Variants in ELP4 observed in about 807,000 individuals in gnomAD.
ELP4 encodes the protein elongator complex protein 4.
Under a neutral mutation model 48.9 loss-of-function variants are expected in ELP4, and 51 were observed. The ratio of observed to expected loss-of-function variants is 1.04; its 90% CI spans 0.83 to 1.32. The LOEUF (loss-of-function observed/expected upper bound fraction) is 1.32. Ranked by LOEUF, ELP4 falls within the 40% of genes most tolerant of loss-of-function variation. ELP4 has a pLI of 0.00. For missense variants in ELP4, 519 were observed against 514.6 expected (o/e 1.01, Z -0.08); for synonymous variants, 210 against 189.2 (o/e 1.11, Z -0.90).
intron 3 of ELP4, among the ~76,000 whole-genome samples, chr11:31,572,944 G>A (rs1252211330): frequency 1.3e-5 from 2 of 152,166 alleles, no homozygotes; most frequent in African/African-American, 4.8e-5. Context: ...GTTCAAGAAG[G>A]CTGCAGTGAG....
At chr11:31,565,359 C>T (rs992240898) in intron 3 of ELP4, among the ~76,000 whole-genome samples, 1 of 151,238 alleles carries the variant, frequency 6.6e-6, no homozygotes, top group African/African-American at 2.4e-5. Context: ...TTTTGCTGTG[C>T]AGAAGCTCTT....
At chr11:31,749,072 T>G (rs1947661240) in intron 9 of ELP4, among the ~76,000 whole-genome samples, 1 of 152,140 alleles carries the variant, frequency 6.6e-6, no homozygotes, top group Non-Finnish European at 1.5e-5. Flanking sequence ...GAATCTGGCC[T>G]GAGAGAAGAA....
At chr11:31,662,423 CCCATGGG>C (rs1390897700) in intron 9 of ELP4, 5 of 393,910 alleles carry the variant, frequency 1.3e-5, no homozygotes, top group Admixed American at 4.4e-5. Context: ...CAAACTATGG[CCCATGGG>C]CCAAATCCAG....
chr11:31,624,461 A>G (rs137909686), intron 5 of ELP4, among the ~76,000 whole-genome samples: 14 of 151,834 alleles, frequency 9.2e-5, no homozygotes, highest in Non-Finnish European at 1.8e-4. Flanking sequence ...GTACACCTGT[A>G]TAAGACACTT....
In ELP4 at chr11:31,699,191, G is replaced by A. The variant is rs577300365; in HGVS notation, c.1143+48970G>A. Among the ~76,000 whole-genome samples, 33 of 152,214 alleles carry A rather than the reference G, an allele frequency of 2.2e-4. 1 individual carries two copies. The South Asian group carries it at 6.2e-3, about 29-fold the overall frequency. On this transcript the variant is annotated intron_variant, in intron 9 of 9. Transcript: ENST00000640961. ...CTCTTCCTCCACAAAAAATAAAAAA[G>A]AAGTGAAGAGGAGGGAAGCCTCTTG...
intron 9 of ELP4, among the ~76,000 whole-genome samples, chr11:31,706,224 A>G (rs907765309): frequency 6.6e-6 from 1 of 152,094 alleles, no homozygotes; most frequent in African/African-American, 2.4e-5. Flanking sequence ...TAGCATGCCT[A>G]TCATCTCAAA....
At chr11:31,556,597 C>G (rs1305030299) in intron 3 of ELP4, among the ~76,000 whole-genome samples, 1 of 151,724 alleles carries the variant, frequency 6.6e-6, no homozygotes, top group Non-Finnish European at 1.5e-5. Context: ...AATTTAAATG[C>G]TGTTTCATAA....
At chr11:31,760,800 C>A (rs188959603) in intron 9 of ELP4, among the ~76,000 whole-genome samples, 92 of 152,226 alleles carry the variant, frequency 6.0e-4, no homozygotes, top group African/African-American at 2.2e-3. Context: ...TAGCAGAGAC[C>A]AGTCATCTTT....
At chr11:31,536,608 T>C (rs1956505736) in intron 2 of ELP4, among the ~76,000 whole-genome samples, 1 of 152,204 alleles carries the variant, frequency 6.6e-6, no homozygotes, top group South Asian at 2.1e-4. Context: ...TGCCTCGGCC[T>C]CTCAAAGCAT....
intron 9 of ELP4, among the ~76,000 whole-genome samples, chr11:31,731,624 A>AAGGAGGC (rs1947189883): frequency 6.9e-6 from 1 of 145,438 alleles, no homozygotes; most frequent in African/African-American, 2.7e-5. Context: ...AGAGAGAAAA[A>AAGGAGGC]AGGAGGCAGA....
At chr11:31,662,007 C>T (rs901495176) in intron 9 of ELP4, among the ~76,000 whole-genome samples, 2 of 151,984 alleles carry the variant, frequency 1.3e-5, no homozygotes, top group African/African-American at 2.4e-5. Flanking sequence ...CTTTATTATA[C>T]ACTTGAAGCT....
At chr11:31,523,154 G>A (rs1030916565) in intron 2 of ELP4, among the ~76,000 whole-genome samples, 2 of 151,802 alleles carry the variant, frequency 1.3e-5, no homozygotes, top group African/African-American at 2.4e-5. Context: ...TGATTGGTGT[G>A]AGCCACTGCA....
chr11:31,551,337 A>G (rs1956847916), intron 3 of ELP4, among the ~76,000 whole-genome samples: 1 of 152,146 alleles, frequency 6.6e-6, no homozygotes, highest in Admixed American at 6.5e-5. Flanking sequence ...TTAGTTATCC[A>G]TTTGTAAAGT....
At chr11:31,642,977 A>C (rs1945129525) in intron 7 of ELP4, among the ~76,000 whole-genome samples, 1 of 151,772 alleles carries the variant, frequency 6.6e-6, no homozygotes, top group Non-Finnish European at 1.5e-5. Flanking sequence ...CCTTGGATCC[A>C]AGCTTATTTT....
intron 2 of ELP4, among the ~76,000 whole-genome samples, chr11:31,524,843 G>A (rs184462345): frequency 1.3e-5 from 2 of 152,068 alleles, no homozygotes; most frequent in African/African-American, 4.8e-5. Context: ...AAATTAACTG[G>A]GTGTGGTGGC....
At chr11:31,750,066 G>A (rs1175144626) in intron 9 of ELP4, among the ~76,000 whole-genome samples, 4 of 150,982 alleles carry the variant, frequency 2.6e-5, no homozygotes, top group East Asian at 2.0e-4. Context: ...GGGTTTCACC[G>A]TGTTAGCCAG....
Position 31,787,343 on chromosome 11 carries a change from T to G in ELP4, c.*3819T>G, listed in dbSNP as rs1948725786. The G allele has an allele frequency of 4.3e-6, 1 of 233,390 alleles. No homozygotes were observed. The highest frequency in any genetic ancestry group is 2.2e-5 in the African/African-American group (1 of 45,368). The allele number at this position is 233,390 out of a possible 1,614,324, so 14.5% of individuals were successfully genotyped here. On this transcript the variant is annotated 3_prime_UTR_variant, in exon 10 of 10. Transcript: ENST00000640961. The stretch of plus-strand genomic sequence containing the variant: ...ACCCTCCGCTCCCACGTCACTCCTT[T>G]TCTCCCATTCCCACCTCTTGCACCT...
At chr11:31,778,138 A>T (rs1297133382) in intron 9 of ELP4, among the ~76,000 whole-genome samples, 2 of 152,236 alleles carry the variant, frequency 1.3e-5, no homozygotes, top group Non-Finnish European at 2.9e-5. Flanking sequence ...CAGTGAAGAC[A>T]TGTGCAAAAT....
At chr11:31,693,700 T>C (rs1448651309) in intron 9 of ELP4, among the ~76,000 whole-genome samples, 1 of 152,204 alleles carries the variant, frequency 6.6e-6, no homozygotes, top group Non-Finnish European at 1.5e-5. Flanking sequence ...CTGGGTCAAA[T>C]AGTATTTCTA....
Sources: allele counts gnomAD v4.1 joint callset (sites outside exome capture counted in the v4.1 genomes callset), GRCh38; gene constraint gnomAD v4.1.1; transcripts MANE v1.5; gene names NCBI Gene and HGNC (gene_info 2026-07-23, HGNC 2026-07-21).